Variants in KDM2B observed in about 807,000 individuals in gnomAD.
The protein encoded by KDM2B is lysine demethylase 2B.
Under a neutral mutation model 150.0 loss-of-function variants are expected in KDM2B, and 26 were observed. The ratio of observed to expected loss-of-function variants is 0.17; its 90% CI spans 0.13 to 0.24. The LOEUF is 0.24. KDM2B is among the 10% of genes least tolerant of loss of function. The probability of loss-of-function intolerance (pLI) is 1.00; values close to 1 mark genes in which losing one functional copy is unlikely to be tolerated. For synonymous variants in KDM2B, 734 were observed against 729.5 expected (o/e 1.01, Z -0.10); for missense variants, 1,265 against 1,816.9 (o/e 0.70, Z 5.52).
intron 4 of KDM2B, among the ~76,000 whole-genome samples, chr12:121,558,790 C>T (rs1555313228): frequency 1.3e-5 from 2 of 152,028 alleles, no homozygotes; most frequent in Non-Finnish European, 2.9e-5. Context: ...GGGGTTTAGC[C>T]ATGTTGGCCA....
At chr12:121,426,870 C>T (rs1296797245), downstream of KDM2B, among the ~76,000 whole-genome samples, 5 of 152,000 alleles carry the variant, frequency 3.3e-5, no homozygotes, top group African/African-American at 4.8e-5. Flanking sequence ...GTGATTCGCC[C>T]GCCTCGGCCT....
intron 11 of KDM2B, 21 bp downstream of exon 11, chr12:121,509,546 C>G: frequency 1.2e-6 from 2 of 1,608,684 alleles, no homozygotes; most frequent in South Asian, 2.2e-5. Flanking sequence ...CCGCCCAGCC[C>G]CAGACGCCAC....
rs1886629833 is a variant in KDM2B, at chr12:121,520,935, A to G, written c.1047+50T>C. On this transcript the variant is annotated intron_variant, in intron 9 of 22. Coordinates refer to ENST00000377071, the MANE Select transcript of KDM2B (RefSeq NM_032590.5). This position sits in a 1 kb window ranked among gnomAD's most constrained non-coding sequence, Gnocchi z 4.5. ...CCTGTCCCACACACCGAGCACCGGC[A>G]GAGCTCAGGGGCCAGGCGCGCACGC... 13 of 1,392,194 alleles carry G rather than the reference A, an allele frequency of 9.3e-6. No homozygotes were observed. The highest frequency in any genetic ancestry group is 1.4e-5 in the African/African-American group (1 of 70,364). The allele number at this position is 1,392,194 out of a possible 1,614,324, so 86.2% of individuals were successfully genotyped here.
At chr12:121,466,380 G>A (rs1879924056) in intron 12 of KDM2B, among the ~76,000 whole-genome samples, 1 of 152,120 alleles carries the variant, frequency 6.6e-6, no homozygotes, top group Non-Finnish European at 1.5e-5. Context: ...GAACCTTCCC[G>A]GAGTAAATTC....
Position 121,568,684 on chromosome 12 carries a change from C to T in KDM2B, c.397+5863G>A, listed in dbSNP as rs900293286. On this transcript the variant is annotated intron_variant, in intron 4 of 22. Coordinates refer to ENST00000377071, the MANE Select transcript of KDM2B (RefSeq NM_032590.5). ...AGTCAGGTTCACTAGCAGTGGAGGG[C>T]GGAGACTACATGGGCAGACGCAGGG... 7.2e-5 allele frequency among the ~76,000 whole-genome samples: 11 copies of T among 152,038 alleles called. 1 individual carries two copies. The highest frequency in any genetic ancestry group is 1.3e-4 in the Admixed American group (2 of 15,236).
chr12:121,514,344 G>T (rs1467401229), intron 9 of KDM2B, among the ~76,000 whole-genome samples: 9 of 152,006 alleles, frequency 5.9e-5, no homozygotes, highest in Admixed American at 5.2e-4. Flanking sequence ...GTTTATCATA[G>T]AAGAGGAAGT....
At chr12:121,508,626 G>C (rs1266739734) in intron 11 of KDM2B, among the ~76,000 whole-genome samples, 1 of 152,168 alleles carries the variant, frequency 6.6e-6, no homozygotes, top group African/African-American at 2.4e-5. Flanking sequence ...GCTGAGACAA[G>C]AGGCAGTTCC....
rs147627326 is a variant in KDM2B at position 121,433,895 on chromosome 12, A to G, written c.3830-3426T>C. Among the ~76,000 whole-genome samples, 44 of 152,196 alleles carry G rather than the reference A, an allele frequency of 2.9e-4. No individual in the cohort carries two copies. In the East Asian group the frequency reaches 7.3e-3, roughly 25 times the overall value. ...CCTGTCTCCAAATAAAATAAAATAC[A>G]TAGGCCGGGCGCGACTGCTCATGCC... On this transcript the variant is annotated intron_variant, in intron 22 of 22. Coordinates refer to ENST00000377071, the MANE Select transcript of KDM2B (RefSeq NM_032590.5).
chr12:121,439,699 CTG>C (rs1157245581), intron 22 of KDM2B, among the ~76,000 whole-genome samples, 156 bp downstream of exon 22: 1 of 152,178 alleles, frequency 6.6e-6, no homozygotes, highest in African/African-American at 2.4e-5. Context: ...TCTTTGTTTA[CTG>C]TGTTTCCCCC....
intron 22 of KDM2B, among the ~76,000 whole-genome samples, chr12:121,439,432 G>A (rs2137893345): frequency 6.9e-6 from 1 of 144,636 alleles, no homozygotes; most frequent in Admixed American, 7.0e-5. Context: ...ATAGGCTGGA[G>A]TGCAGTGGCG....
intron 13 of KDM2B, among the ~76,000 whole-genome samples, chr12:121,445,733 A>C (rs930330043): frequency 2.0e-5 from 3 of 152,156 alleles, no homozygotes; most frequent in Non-Finnish European, 2.9e-5. Flanking sequence ...AGACATGGGG[A>C]AAAATTAGAG....
chr12:121,485,742 G>A (rs1410317540), intron 12 of KDM2B, among the ~76,000 whole-genome samples: 2 of 151,894 alleles, frequency 1.3e-5, no homozygotes, highest in Non-Finnish European at 2.9e-5. Context: ...TAATAATAAC[G>A]CCACTCAACT....
chr12:121,477,012 C>A (rs1353985100), intron 12 of KDM2B, among the ~76,000 whole-genome samples: 1 of 152,222 alleles, frequency 6.6e-6, no homozygotes, highest in Non-Finnish European at 1.5e-5. Flanking sequence ...ACATCGCCAG[C>A]TAATTCACAC....
At chr12:121,542,667 T>C (rs1888702634) in intron 6 of KDM2B, among the ~76,000 whole-genome samples, 1 of 152,246 alleles carries the variant, frequency 6.6e-6, no homozygotes, top group Admixed American at 6.5e-5. Flanking sequence ...AGGAATTTTC[T>C]AAGACAAATG....
At chr12:121,524,486 A>G (rs573878974) in intron 8 of KDM2B, among the ~76,000 whole-genome samples, 1 of 152,278 alleles carries the variant, frequency 6.6e-6, no homozygotes, top group South Asian at 2.1e-4. Flanking sequence ...CAGACACTCG[A>G]GGGATTCTAG....
the KDM2B span, among the ~76,000 whole-genome samples, chr12:121,413,429 T>TTTTTTTTTTTTTA: frequency 2.0e-5 from 3 of 148,790 alleles, no homozygotes; most frequent in African/African-American, 7.5e-5. Context: ...TTTTTTTTTT[T>TTTTTTTTTTTTTA]GAGACGGAGT....
intron 8 of KDM2B, among the ~76,000 whole-genome samples, chr12:121,531,197 G>A (rs938805201): frequency 6.6e-6 from 1 of 152,024 alleles, no homozygotes; most frequent in East Asian, 1.9e-4. Context: ...AGCAGGGGTC[G>A]GTCCCTTCCC....
At chr12:121,553,486 C>T (rs1186224829) in intron 4 of KDM2B, among the ~76,000 whole-genome samples, 3 of 152,140 alleles carry the variant, frequency 2.0e-5, no homozygotes, top group East Asian at 1.9e-4. Context: ...TTAGAGGGTT[C>T]GGTTCCCAGC....
At position 121,465,984 on chromosome 12, in the gene KDM2B, C is replaced by A. The variant is rs1168124985; in HGVS notation, c.1735-12640G>T. 7.2e-5 allele frequency among the ~76,000 whole-genome samples: 11 copies of A among 152,290 alleles called. No homozygotes were observed. In the East Asian group the frequency reaches 2.1e-3, roughly 29 times the overall value. On this transcript the variant is annotated intron_variant, in intron 12 of 22. Transcript: ENST00000377071. ...CCAATCCGAAAGAGCCGTGAGATTC[C>A]TAACACCTCAAAACGCACACGTGCC...
Sources: allele counts gnomAD v4.1 joint callset (sites outside exome capture counted in the v4.1 genomes callset), GRCh38; gene constraint gnomAD v4.1.1; non-coding constraint Gnocchi (gnomAD v3.1); transcripts MANE v1.5; gene names NCBI Gene and HGNC (gene_info 2026-07-23, HGNC 2026-07-21).